The following HNF4A variants were observed in gnomAD, a reference collection of about 807,000 sequenced individuals.
HNF4A encodes the protein hepatocyte nuclear factor 4 alpha.
HNF4A carries 15 observed loss-of-function variants against 52.4 expected under a neutral mutation model. The ratio of observed to expected loss-of-function variants is 0.29; its 90% CI spans 0.19 to 0.44. The LOEUF is 0.44. HNF4A is among the 20% of genes least tolerant of loss of function. The pLI is 1.00. For missense variants in HNF4A, 479 were observed against 647.2 expected (o/e 0.74, Z 2.82); for synonymous variants, 280 against 264.4 (o/e 1.06, Z -0.57).
At chr20:44,421,795 A>G (rs1221639866) in intron 7 of HNF4A, among the ~76,000 whole-genome samples, 1 of 146,448 alleles carries the variant, frequency 6.8e-6, no homozygotes, top group Non-Finnish European at 1.5e-5. Flanking sequence ...AATATATATT[A>G]TATATATATA....
chr20:44,424,523 G>A (rs2063792258), intron 8 of HNF4A: 5 of 1,047,054 alleles, frequency 4.8e-6, no homozygotes, highest in South Asian at 1.4e-5. Flanking sequence ...CCCTCGGGGA[G>A]GCTGTGTGTG....
intron 3 of HNF4A, 28 bp from the exon 4 acceptor site, chr20:44,413,666 C>T (rs1186627538): frequency 2.5e-6 from 4 of 1,568,930 alleles, no homozygotes; most frequent in East Asian, 2.2e-5. Flanking sequence ...CCTGTTCTCC[C>T]TCCTCACCTC....
At chr20:44,419,194 A>G (rs11574741) in intron 6 of HNF4A, among the ~76,000 whole-genome samples, 1,542 of 152,326 alleles carry the variant, frequency 0.01, 40 homozygotes, top group African/African-American at 0.035. Flanking sequence ...AAACGCTTGT[A>G]CAGCACACAC....
In HNF4A at chr20:44,424,054, G is replaced by A. The variant is rs371124358; in HGVS notation, c.929G>A (p.Arg310Gln). The A allele has an allele frequency of 7.6e-5, 123 of 1,613,094 alleles. No homozygotes were observed. The highest frequency in any genetic ancestry group is 9.6e-5 in the Non-Finnish European group (113 of 1,179,994). The stretch of plus-strand genomic sequence containing the variant: ...CTGAGCGATCCAGGGAAGATCAAGC[G>A]GCTGCGTTCCCAGGTGCAGGTGAGC... The change falls in exon 8 of 10, where the codon CGG (arginine) becomes CAG (glutamine). Residue 310 changes from arginine to glutamine, a missense_variant. Arg to Gln is a conservative substitution (Grantham distance 43, BLOSUM62 1). Around this residue, in one of 3 missense-constraint regions of HNF4A, gnomAD observed 389 missense variants for 525.1 expected, o/e 0.74. Coordinates refer to ENST00000316099, the MANE Select transcript of HNF4A (RefSeq NM_000457.6).
rs1568712308 is a variant in HNF4A at position 44,395,953 on chromosome 20, G to A, written c.50-10105G>A. Among the ~76,000 whole-genome samples the A allele has an allele frequency of 2.6e-5, 4 of 152,134 alleles. No individual in the cohort carries two copies. In the South Asian group the frequency reaches 8.3e-4, roughly 31 times the overall value. On this transcript the variant is annotated intron_variant, in intron 1 of 9. Transcript: ENST00000316673. Reference sequence around the variant, plus strand: ...CCCTGGGGTGGCCAGGCGTGTGGAGGATGCCCCTGCCCCTGCCTATACCCC... The same window carrying A: ...CCCTGGGGTGGCCAGGCGTGTGGAGAATGCCCCTGCCCCTGCCTATACCCC...
intron 1 of HNF4A, 130 bp downstream of exon 1, chr20:44,355,983 C>G (rs570774654): frequency 3.8e-6 from 3 of 786,740 alleles, no homozygotes; most frequent in South Asian, 1.8e-5. Context: ...GGGCAGGAAG[C>G]CCCACGGAGG....
chr20:44,411,949 C>G (rs1011665478), intron 3 of HNF4A, among the ~76,000 whole-genome samples: 1 of 151,334 alleles, frequency 6.6e-6, no homozygotes, highest in Admixed American at 6.6e-5. Context: ...CCCAGCTATT[C>G]GGGAGGCTGA....
upstream of HNF4A, among the ~76,000 whole-genome samples, chr20:44,399,037 T>A (rs968610663): frequency 6.6e-6 from 1 of 152,128 alleles, no homozygotes; most frequent in African/African-American, 2.4e-5. Context: ...CCTTGGAGGC[T>A]CCTCCCGGAG....
In HNF4A at chr20:44,406,113, C is replaced by A. The variant is rs199678287; in HGVS notation, c.171C>A (p.Ser57Arg). 6.2e-7 allele frequency: 1 copy of A among 1,613,596 alleles called. No homozygotes were observed. Among genetic ancestry groups the A allele is most frequent in the Non-Finnish European group, 8.5e-7 (1 of 1,180,016 alleles). Reference sequence around the variant, plus strand: ...ACGCGCCCAACAGCCTGGGTGTCAGCGCCCTGTGTGCCATCTGCGGGGACC... The same window carrying A: ...ACGCGCCCAACAGCCTGGGTGTCAGAGCCCTGTGTGCCATCTGCGGGGACC... The change falls in exon 2 of 10, where the codon AGC becomes AGA. Residue 57 changes from serine to arginine, a missense_variant. Physicochemically the swap from Ser to Arg is moderately radical, Grantham distance 110 (BLOSUM62 -1). Around this residue, in one of 3 missense-constraint regions of HNF4A, gnomAD observed 90 missense variants for 105.5 expected, o/e 0.85. Coordinates refer to ENST00000316099, the MANE Select transcript of HNF4A (RefSeq NM_000457.6).
At position 44,419,831 on chromosome 20, in the gene HNF4A, G is replaced by A. The variant is rs2063719697; in HGVS notation, c.847G>A (p.Asp283Asn). The A allele has an allele frequency of 6.2e-7, 1 of 1,613,964 alleles. No individual in the cohort carries two copies. The highest frequency in any genetic ancestry group is 8.5e-7 in the Non-Finnish European group (1 of 1,180,000). Residue 283 changes from aspartate (D) to asparagine (N), a missense_variant, in exon 7 of 10, where the codon GAC becomes AAC. Asp to Asn is a conservative substitution (Grantham distance 23). Transcript: ENST00000316099. Reference sequence around the variant, plus strand: ...GCCCTTCCAGGAGCTGCAGATCGATGACAATGAGTATGCCTACCTCAAAGC... The same window carrying A: ...GCCCTTCCAGGAGCTGCAGATCGATAACAATGAGTATGCCTACCTCAAAGC...
At chr20:44,387,141 A>G (rs2063234721) in intron 1 of HNF4A, among the ~76,000 whole-genome samples, 1 of 152,024 alleles carries the variant, frequency 6.6e-6, no homozygotes, top group Non-Finnish European at 1.5e-5. Flanking sequence ...CGTCTCTACT[A>G]AAAATTAAAA....
rs1040313565 is a variant in HNF4A, at chr20:44,424,710, C to T, written c.1129+456C>T. On this transcript the variant is annotated intron_variant, in intron 8 of 9. Transcript: ENST00000316099. ...AGGAGACCTCTCTGAAGTGGTGACT[C>T]TTGTGCTAAGACCCTAACGGCTGAA... is the stretch of plus-strand genomic sequence containing the variant. 1.5e-5 allele frequency: 12 copies of T among 781,140 alleles called. No individual in the cohort carries two copies. The African/African-American group carries it at 2.0e-4, about 13-fold the overall frequency. 48.4% of individuals were successfully genotyped at this position (781,140 alleles called of 1,614,324 possible).
chr20:44,401,154 G>A (rs541793435), upstream of HNF4A: 189 of 1,410,520 alleles, frequency 1.3e-4, no homozygotes, highest in East Asian at 1.2e-3. Context: ...CCTATCCACC[G>A]GCGGGGGACC....
upstream of HNF4A, chr20:44,401,227 A>G: frequency 6.5e-7 from 1 of 1,529,868 alleles, no homozygotes. Context: ...AGGCTAGGCC[A>G]AGACTCCCAG....
intron 5 of HNF4A, among the ~76,000 whole-genome samples, chr20:44,417,739 G>A (rs1450209066): frequency 6.6e-6 from 1 of 152,126 alleles, no homozygotes; most frequent in Admixed American, 6.5e-5. Context: ...TTGGGAGGCT[G>A]AGTTGGGCTG....
intron 7 of HNF4A, among the ~76,000 whole-genome samples, chr20:44,423,729 G>A (rs554894463): frequency 2.6e-5 from 4 of 152,292 alleles, no homozygotes; most frequent in South Asian, 2.1e-4. Context: ...AAGATGAGGC[G>A]GTTGCTAGGT....
intron 1 of HNF4A, among the ~76,000 whole-genome samples, chr20:44,404,283 A>G (rs2063450992): frequency 6.6e-6 from 1 of 152,220 alleles, no homozygotes; most frequent in Non-Finnish European, 1.5e-5. Flanking sequence ...AAGTGAGGAA[A>G]CAAAAGCATA....
chr20:44,402,664 C>T, intron 1 of HNF4A: 1 of 1,311,754 alleles, frequency 7.6e-7, no homozygotes, highest in Non-Finnish European at 1.0e-6. Flanking sequence ...AAGAGGAGGC[C>T]CGGAAACCCC....
chr20:44,402,416 T>C (rs1301553817), intron 1 of HNF4A: 1 of 400,530 alleles, frequency 2.5e-6, no homozygotes, highest in Non-Finnish European at 5.0e-6. Flanking sequence ...GCTGTGTATA[T>C]ATGCAGTTCC....
Sources: gnomAD v4.1 joint callset for allele counts (sites outside exome capture counted in the v4.1 genomes callset) on GRCh38, gnomAD v4.1.1 for gene constraint, gnomAD v4.1.1 regional missense constraint, MANE v1.5 for transcripts, NCBI Gene and HGNC (gene_info 2026-07-23, HGNC 2026-07-21) for gene names.